The following SNTG1 variants were observed in gnomAD, a reference collection of about 807,000 sequenced individuals.
The protein encoded by SNTG1 is syntrophin gamma 1.
In SNTG1, 39 loss-of-function variants were observed where a neutral mutation model predicts 74.7. The observed-to-expected ratio is 0.52, with a 90% CI of 0.40 to 0.68. SNTG1 has a LOEUF of 0.68. Among genes scored for constraint, SNTG1 ranks in the 30% least tolerant of loss-of-function variants. The pLI, the probability that SNTG1 is intolerant of heterozygous loss-of-function variation, is 0.00. For missense variants in SNTG1, 685 were observed against 609.5 expected (o/e 1.12, Z -1.30); for synonymous variants, 254 against 217.1 (o/e 1.17, Z -1.49).
intron 8 of SNTG1, among the ~76,000 whole-genome samples, chr8:50,475,872 T>C (rs911239529): frequency 7.2e-5 from 11 of 152,146 alleles, no homozygotes; most frequent in Admixed American, 5.2e-4. Flanking sequence ...ACTGCATAAA[T>C]ACTATACAGC....
intron 8 of SNTG1, among the ~76,000 whole-genome samples, chr8:50,494,737 A>T (rs1009723241): frequency 8.5e-5 from 13 of 152,124 alleles, no homozygotes; most frequent in African/African-American, 3.1e-4. Flanking sequence ...TTAACTCAGA[A>T]TGATATGTCT....
intron 4 of SNTG1, among the ~76,000 whole-genome samples, chr8:50,403,961 C>T (rs947737116): frequency 5.3e-5 from 8 of 151,986 alleles, no homozygotes; most frequent in African/African-American, 1.2e-4. Context: ...AAGTCACAAA[C>T]GATATATAAA....
chr8:50,022,877 G>A (rs892545902), intron 1 of SNTG1, among the ~76,000 whole-genome samples: 10 of 152,164 alleles, frequency 6.6e-5, no homozygotes, highest in Non-Finnish European at 1.3e-4. Flanking sequence ...TTGGGGCAAA[G>A]AAGTTTCTGG....
chr8:50,092,797 A>G (rs1209705560), intron 1 of SNTG1, among the ~76,000 whole-genome samples: 2 of 152,182 alleles, frequency 1.3e-5, no homozygotes, highest in Non-Finnish European at 2.9e-5. Context: ...TTTTAATATT[A>G]TTCGACAGTC....
intron 1 of SNTG1, among the ~76,000 whole-genome samples, chr8:50,070,659 C>T (rs1821288543): frequency 6.6e-6 from 1 of 152,174 alleles, no homozygotes; most frequent in Non-Finnish European, 1.5e-5. Flanking sequence ...GATTTCAATT[C>T]CATTCTGCAA....
intron 2 of SNTG1, among the ~76,000 whole-genome samples, chr8:50,256,740 C>T (rs1335221931): frequency 6.6e-6 from 1 of 151,958 alleles, no homozygotes; most frequent in Non-Finnish European, 1.5e-5. Context: ...GACAGACCCA[C>T]TCCACAACCA....
At chr8:50,317,957 A>C (rs990030421) in intron 2 of SNTG1, among the ~76,000 whole-genome samples, 1 of 152,002 alleles carries the variant, frequency 6.6e-6, no homozygotes, top group East Asian at 1.9e-4. Context: ...CTGCCTCAGC[A>C]TCCCCAGTAG....
intron 13 of SNTG1, among the ~76,000 whole-genome samples, chr8:50,623,019 A>T (rs1297660124): frequency 6.6e-6 from 1 of 152,084 alleles, no homozygotes; most frequent in African/African-American, 2.4e-5. Context: ...TTGATTTTGT[A>T]TCCTGAAACT....
At chr8:50,318,597 T>TA (rs2090403503) in intron 2 of SNTG1, among the ~76,000 whole-genome samples, 1 of 152,216 alleles carries the variant, frequency 6.6e-6, no homozygotes, top group African/African-American at 2.4e-5. Context: ...CAAAGGATCT[T>TA]AATGGGGGAC....
Position 50,315,576 on chromosome 8 carries a change from G to A in SNTG1, c.-27-78636G>A, listed in dbSNP as rs16914712. Among the ~76,000 whole-genome samples the A allele has an allele frequency of 5.7e-3, 857 of 149,954 alleles. 77 individuals are homozygous for A. The highest frequency in any genetic ancestry group is 0.019 in the African/African-American group (763 of 40,236). On this transcript the variant is annotated intron_variant, in intron 2 of 18. Coordinates refer to ENST00000642720, the MANE Select transcript of SNTG1 (RefSeq NM_018967.5). Reference sequence around the variant, plus strand: ...TAGTGGAGAATCATATTGAAATGTTGAGTGGAATGACAAAATGCAGATTGC... The same window carrying A: ...TAGTGGAGAATCATATTGAAATGTTAAGTGGAATGACAAAATGCAGATTGC...
intron 2 of SNTG1, among the ~76,000 whole-genome samples, chr8:50,208,547 C>G (rs1275938863): frequency 1.3e-5 from 2 of 152,128 alleles, no homozygotes; most frequent in African/African-American, 4.8e-5. Context: ...ATTGGAGCAA[C>G]TATCCCATTT....
chr8:50,487,945 T>C lies in SNTG1; in HGVS notation c.364-14833T>C, dbSNP rs544197661. Among the ~76,000 whole-genome samples, 144 of 152,356 alleles carry C rather than the reference T, an allele frequency of 9.5e-4. 1 individual carries two copies. The highest frequency in any genetic ancestry group is 1.9e-3 in the Non-Finnish European group (129 of 68,042). ...ACCTCATATGGTGTTTTGAATGTGATAGATATTTGATATATGTTTGCTGAG... is the reference window on the plus strand; with the variant it reads ...ACCTCATATGGTGTTTTGAATGTGACAGATATTTGATATATGTTTGCTGAG... On this transcript the variant is annotated intron_variant, in intron 8 of 18. Coordinates refer to ENST00000642720, the MANE Select transcript of SNTG1 (RefSeq NM_018967.5).
chr8:49,944,590 AG>A (rs1376867933), intron 1 of SNTG1, among the ~76,000 whole-genome samples: 3 of 55,718 alleles, frequency 5.4e-5, no homozygotes, highest in African/African-American at 7.7e-5. Context: ...GGGTGGGGGG[AG>A]GGGGGAGGGA....
Position 50,452,368 on chromosome 8 carries a change from A to G in SNTG1, c.363+1639A>G, listed in dbSNP as rs7016686. On this transcript the variant is annotated intron_variant, in intron 8 of 18. Coordinates refer to ENST00000642720, the MANE Select transcript of SNTG1 (RefSeq NM_018967.5). ...AGAGCCTTCTATCTTGCAGATTCCT[A>G]TGTAAATTTTAAATATAGTCACATA... Among the ~76,000 whole-genome samples, 828 of 152,334 alleles carry G rather than the reference A, an allele frequency of 5.4e-3. 9 individuals carry two copies. The highest frequency in any genetic ancestry group is 0.019 in the African/African-American group (790 of 41,582).
At chr8:50,412,433 A>G (rs2092961209) in intron 4 of SNTG1, among the ~76,000 whole-genome samples, 1 of 152,162 alleles carries the variant, frequency 6.6e-6, no homozygotes, top group African/African-American at 2.4e-5. Context: ...GATTCTTATT[A>G]TTATGTTTTT....
intron 1 of SNTG1, among the ~76,000 whole-genome samples, chr8:50,162,584 A>G (rs2082461492): frequency 6.6e-6 from 1 of 151,170 alleles, no homozygotes; most frequent in African/African-American, 2.5e-5. Context: ...AAAAGAAAAA[A>G]AAAGAAAGAA....
intron 4 of SNTG1, among the ~76,000 whole-genome samples, chr8:50,413,633 A>T (rs1043853450): frequency 2.6e-5 from 4 of 152,210 alleles, no homozygotes; most frequent in African/African-American, 4.8e-5. Context: ...ATTCTGAAGA[A>T]TTTTTAGCCA....
chr8:50,186,619 G>A (rs2083393447), intron 2 of SNTG1, among the ~76,000 whole-genome samples: 1 of 152,098 alleles, frequency 6.6e-6, no homozygotes, highest in African/African-American at 2.4e-5. Flanking sequence ...TGTCTCTAAT[G>A]ATCAGTGATA....
intron 13 of SNTG1, among the ~76,000 whole-genome samples, chr8:50,625,124 AT>A (rs1212843057): frequency 6.6e-6 from 1 of 152,168 alleles, no homozygotes; most frequent in Admixed American, 6.5e-5. Flanking sequence ...ATATTATCTC[AT>A]TTAATCCCAT....
Sources: allele counts gnomAD v4.1 joint callset (sites outside exome capture counted in the v4.1 genomes callset), GRCh38; gene constraint gnomAD v4.1.1; transcripts MANE v1.5; gene names NCBI Gene and HGNC (gene_info 2026-07-23, HGNC 2026-07-21).